Variants in TBCEL observed in about 807,000 individuals in gnomAD.
TBCEL encodes tubulin folding cofactor E like.
In TBCEL, 15 loss-of-function variants were observed where a neutral mutation model predicts 44.2. The observed-to-expected ratio is 0.34, with a 90% CI of 0.23 to 0.52. The LOEUF (loss-of-function observed/expected upper bound fraction) is 0.52, where lower values mean the gene tolerates loss of function less well. Among genes scored for constraint, TBCEL ranks in the 20% least tolerant of loss-of-function variants. TBCEL has a pLI of 0.95. For synonymous variants in TBCEL, 171 were observed against 185.4 expected (o/e 0.92, Z 0.63); for missense variants, 319 against 506.3 (o/e 0.63, Z 3.55).
intron 8 of TBCEL, among the ~76,000 whole-genome samples, chr11:121,072,040 A>G (rs555992667): frequency 1.3e-5 from 2 of 152,188 alleles, no homozygotes; most frequent in South Asian, 4.1e-4. Flanking sequence ...CAAAAGGGGC[A>G]TTCTCCTTCG....
intron 2 of TBCEL, among the ~76,000 whole-genome samples, chr11:121,037,895 TGGG>T (rs931919847): frequency 1.5e-3 from 225 of 152,222 alleles, no homozygotes; most frequent in African/African-American, 5.3e-3. Flanking sequence ...AACTACATGG[TGGG>T]GTTACTGGTT....
intron 8 of TBCEL, among the ~76,000 whole-genome samples, chr11:121,082,439 A>G (rs1321124535): frequency 2.0e-5 from 3 of 152,178 alleles, no homozygotes; most frequent in African/African-American, 4.8e-5. Flanking sequence ...TACTAGTTGG[A>G]AAAACTCTGT....
chr11:121,061,523 A>G (rs1447938983), intron 8 of TBCEL, among the ~76,000 whole-genome samples: 1 of 152,092 alleles, frequency 6.6e-6, no homozygotes, highest in African/African-American at 2.4e-5. Context: ...GTATACTTAC[A>G]CAAACCTAGG....
At chr11:121,071,166 C>T (rs1462661432) in intron 8 of TBCEL, among the ~76,000 whole-genome samples, 1 of 152,122 alleles carries the variant, frequency 6.6e-6, no homozygotes, top group South Asian at 2.1e-4. Flanking sequence ...ATCCACATTG[C>T]TTGTATTTTT....
At chr11:121,025,507 CTTA>C (rs1208954686) in intron 1 of TBCEL, among the ~76,000 whole-genome samples, 1 of 152,036 alleles carries the variant, frequency 6.6e-6, no homozygotes, top group Non-Finnish European at 1.5e-5. Flanking sequence ...AGTATTTACC[CTTA>C]TTATATGTGA....
chr11:121,041,064 G>A (rs1945323951), intron 2 of TBCEL, among the ~76,000 whole-genome samples: 1 of 152,152 alleles, frequency 6.6e-6, no homozygotes, highest in Non-Finnish European at 1.5e-5. Flanking sequence ...CATACTTTTT[G>A]AAGTATACTA....
chr11:121,032,363 G>C (rs1474534007), intron 1 of TBCEL, among the ~76,000 whole-genome samples: 1 of 152,158 alleles, frequency 6.6e-6, no homozygotes, highest in Non-Finnish European at 1.5e-5. Context: ...AAGTTGCCAT[G>C]AACAGTGAAT....
intron 8 of TBCEL, among the ~76,000 whole-genome samples, chr11:121,062,329 A>G (rs1026449159): frequency 1.1e-4 from 16 of 152,134 alleles, no homozygotes; most frequent in African/African-American, 2.9e-4. Flanking sequence ...TACACCTGAA[A>G]TAATGATAAA....
chr11:121,055,441 C>A, intron 6 of TBCEL, 133 bp downstream of exon 6: 3 of 889,256 alleles, frequency 3.4e-6, no homozygotes, highest in Non-Finnish European at 3.1e-6. Context: ...CATGCAGATG[C>A]CTATGATTGG....
chr11:121,056,363 A>G (rs1471709640), intron 6 of TBCEL, among the ~76,000 whole-genome samples: 1 of 151,580 alleles, frequency 6.6e-6, no homozygotes, highest in South Asian at 2.1e-4. Flanking sequence ...ACTACAGTTT[A>G]TTTTATCTAC....
At chr11:121,073,452 T>C (rs111746844) in intron 8 of TBCEL, among the ~76,000 whole-genome samples, 195 of 152,118 alleles carry the variant, frequency 1.3e-3, no homozygotes, top group African/African-American at 4.0e-3. Flanking sequence ...AATTGATTAT[T>C]GTTGCTCTAT....
chr11:121,048,262 T>C (rs1398214343), intron 4 of TBCEL, among the ~76,000 whole-genome samples: 2 of 151,902 alleles, frequency 1.3e-5, no homozygotes, highest in East Asian at 1.9e-4. Flanking sequence ...ATTCTTGTTA[T>C]TGAAATTTAT....
rs767042196 is a variant in TBCEL at position 121,053,659 on chromosome 11, G to A, written c.382G>A (p.Val128Ile). Residue 128 changes from valine to isoleucine, a missense_variant, in exon 5 of 9, where the codon GTT becomes ATT. Transcript: ENST00000683345. ...ERTCAGSFSGVRKLVLNNSKA... is the reference protein window; with the variant it reads ...ERTCAGSFSGIRKLVLNNSKA... ...AACATGTGCTGGGTCCTTCTCTGGGGTTCGCAAACTTGTCCTCAACAACAG... is the reference window on the plus strand; with the variant it reads ...AACATGTGCTGGGTCCTTCTCTGGGATTCGCAAACTTGTCCTCAACAACAG... 106 of 1,612,204 alleles carry A rather than the reference G, an allele frequency of 6.6e-5. No individual in the cohort carries two copies. Among genetic ancestry groups the A allele is most frequent in the Middle Eastern group, 1.6e-4 (1 of 6,070 alleles).
intron 8 of TBCEL, among the ~76,000 whole-genome samples, chr11:121,077,550 C>G (rs1248825689): frequency 1.3e-5 from 2 of 152,024 alleles, no homozygotes; most frequent in Non-Finnish European, 2.9e-5. Context: ...ATCAAATTTG[C>G]AAACCTTTTT....
At chr11:121,066,882 T>C (rs1231257189) in intron 8 of TBCEL, among the ~76,000 whole-genome samples, 3 of 152,218 alleles carry the variant, frequency 2.0e-5, no homozygotes, top group African/African-American at 7.2e-5. Context: ...TGAGCTTTAG[T>C]TTCCAGGTAG....
At chr11:121,041,149 C>T (rs774765510) in intron 2 of TBCEL, among the ~76,000 whole-genome samples, 1 of 152,094 alleles carries the variant, frequency 6.6e-6, no homozygotes, top group Non-Finnish European at 1.5e-5. Flanking sequence ...TTATATGTTT[C>T]CCAGTGTTAG....
At chr11:121,032,824 T>C (rs1945167991) in intron 1 of TBCEL, among the ~76,000 whole-genome samples, 1 of 152,228 alleles carries the variant, frequency 6.6e-6, no homozygotes, top group Non-Finnish European at 1.5e-5. Flanking sequence ...ACATACCCGT[T>C]GAACAACTCA....
intron 8 of TBCEL, among the ~76,000 whole-genome samples, chr11:121,066,694 G>A (rs1300017266): frequency 6.6e-6 from 1 of 152,200 alleles, no homozygotes; most frequent in African/African-American, 2.4e-5. Flanking sequence ...GCATTAAAAT[G>A]TATTTGTTAT....
chr11:121,051,442 TTCC>T lies in TBCEL; in HGVS notation c.274-2107_274-2105del, dbSNP rs199732739. ...TCTTCGTGCTTTAGTTGGAGCATAA[TTCC>T]TGTCCCCCTCCAACCTCCACAAAGA... On this transcript the variant is annotated intron_variant, in intron 4 of 8. Coordinates refer to ENST00000683345, the MANE Select transcript of TBCEL (RefSeq NM_001363644.2). Among the ~76,000 whole-genome samples the T allele has an allele frequency of 6.3e-3, 961 of 151,880 alleles. 11 individuals carry two copies. The highest frequency in any genetic ancestry group is 0.022 in the African/African-American group (918 of 41,502).
Sources: allele counts gnomAD v4.1 joint callset (sites outside exome capture counted in the v4.1 genomes callset), GRCh38; gene constraint gnomAD v4.1.1; transcripts MANE v1.5; gene names NCBI Gene and HGNC (gene_info 2026-07-23, HGNC 2026-07-21).